Variants in FBXL7 observed in about 807,000 individuals in gnomAD.
The protein encoded by FBXL7 is F-box/LRR-repeat protein 7.
FBXL7 carries 12 observed loss-of-function variants against 38.3 expected under a neutral mutation model. That is an observed-to-expected ratio of 0.31 (90% confidence interval 0.20 to 0.51). The LOEUF is 0.51. Among genes scored for constraint, FBXL7 ranks in the 20% least tolerant of loss-of-function variants. The probability of loss-of-function intolerance (pLI) is 0.98; values close to 1 mark genes in which losing one functional copy is unlikely to be tolerated. For synonymous variants in FBXL7, 297 were observed against 300.9 expected (o/e 0.99, Z 0.13); for missense variants, 567 against 676.4 (o/e 0.84, Z 1.79).
chr5:15,512,544 C>T (rs1422530048), intron 1 of FBXL7, among the ~76,000 whole-genome samples: 1 of 152,194 alleles, frequency 6.6e-6, no homozygotes, highest in Non-Finnish European at 1.5e-5. Flanking sequence ...TAAACTTGGA[C>T]ATTTTACCCT....
rs79107813 is a variant in FBXL7, at chr5:15,542,170, G to A, written c.37+41457G>A. On this transcript the variant is annotated intron_variant, in intron 1 of 3. Transcript: ENST00000504595. ...TCGATGCATTATTACACTTTATACCGTGATGTGTCACTGAAAGTTTTTTTT... is the reference window on the plus strand; with the variant it reads ...TCGATGCATTATTACACTTTATACCATGATGTGTCACTGAAAGTTTTTTTT... Among the ~76,000 whole-genome samples, 1,250 of 152,096 alleles carry A rather than the reference G, an allele frequency of 8.2e-3. 13 individuals carry two copies. The highest frequency in any genetic ancestry group is 9.3e-3 in the Non-Finnish European group (632 of 67,984).
At chr5:15,579,624 A>C (rs1739073714) in intron 1 of FBXL7, among the ~76,000 whole-genome samples, 1 of 152,164 alleles carries the variant, frequency 6.6e-6, no homozygotes, top group Non-Finnish European at 1.5e-5. Flanking sequence ...AGACAACCTT[A>C]AAAGTTAGTG....
At chr5:15,737,180 A>G (rs1299609385) in intron 2 of FBXL7, among the ~76,000 whole-genome samples, 2 of 151,936 alleles carry the variant, frequency 1.3e-5, no homozygotes, top group Admixed American at 1.3e-4. Flanking sequence ...CCATTTTTCC[A>G]CTGGGCGTCC....
In FBXL7 at chr5:15,675,658, A is replaced by C. The variant is rs533642130; in HGVS notation, c.127+59586A>C. On this transcript the variant is annotated intron_variant, in intron 2 of 3. Coordinates refer to ENST00000504595, the MANE Select transcript of FBXL7 (RefSeq NM_012304.5). ...CCACTGATCACAGATTTGTTGGATT[A>C]AATACCTGCTAATATGCGGTTTATA... Among the ~76,000 whole-genome samples, 5 of 152,360 alleles carry C rather than the reference A, an allele frequency of 3.3e-5. No homozygotes were observed. The South Asian group carries it at 1.0e-3, about 32-fold the overall frequency.
chr5:15,526,292 G>A (rs780089622), intron 1 of FBXL7, among the ~76,000 whole-genome samples: 5 of 152,042 alleles, frequency 3.3e-5, no homozygotes, highest in Admixed American at 2.6e-4. Flanking sequence ...AGTGATCTTG[G>A]GCATGGAGGA....
intron 1 of FBXL7, among the ~76,000 whole-genome samples, chr5:15,509,002 T>C (rs1736723583): frequency 6.6e-6 from 1 of 152,236 alleles, no homozygotes; most frequent in South Asian, 2.1e-4. Flanking sequence ...CACGTAGATC[T>C]ACTAAACTTG....
chr5:15,500,587 C>T lies in FBXL7; in HGVS notation c.-90C>T. On this transcript the variant is annotated 5_prime_UTR_variant, in exon 1 of 4. Transcript: ENST00000504595. ...GGGGGGGATGTGCAGCTAACGGTCC[C>T]GTCGGGCGGGCTTTCCTCGGGCCGA... The T allele has an allele frequency of 1.9e-6, 3 of 1,571,648 alleles. No homozygotes were observed. Among genetic ancestry groups the T allele is most frequent in the Admixed American group, 1.7e-5 (1 of 59,942 alleles).
chr5:15,706,392 C>T (rs921137573), intron 2 of FBXL7, among the ~76,000 whole-genome samples: 4 of 152,192 alleles, frequency 2.6e-5, no homozygotes, highest in Non-Finnish European at 5.9e-5. Context: ...CCTGAGGCCT[C>T]CCCAGAAGCT....
At chr5:15,744,354 C>A (rs2126678172) in intron 2 of FBXL7, among the ~76,000 whole-genome samples, 1 of 152,282 alleles carries the variant, frequency 6.6e-6, no homozygotes, top group South Asian at 2.1e-4. Context: ...GGACAAAATG[C>A]CACCAGTCTC....
chr5:15,761,822 G>A (rs903528693), intron 2 of FBXL7, among the ~76,000 whole-genome samples: 1 of 152,170 alleles, frequency 6.6e-6, no homozygotes. Context: ...GCAGGTGTGA[G>A]CCACCATGTC....
chr5:15,754,995 C>A (rs1279911968), intron 2 of FBXL7, among the ~76,000 whole-genome samples: 1 of 152,090 alleles, frequency 6.6e-6, no homozygotes. Flanking sequence ...TGATGTTTTT[C>A]TTGAATGCTC....
At chr5:15,593,675 A>G (rs1561042750) in intron 1 of FBXL7, among the ~76,000 whole-genome samples, 1 of 152,162 alleles carries the variant, frequency 6.6e-6, no homozygotes, top group African/African-American at 2.4e-5. Context: ...ATAAAAATGT[A>G]CAGGTTTTTT....
In FBXL7 at chr5:15,753,620, A is replaced by G. The variant is rs146311800; in HGVS notation, c.127+137548A>G. The stretch of plus-strand genomic sequence containing the variant: ...CATTGTATTGTTTTTCTCCTTTCAG[A>G]ACTTTAGTATAAATTCATTACTTGT... On this transcript the variant is annotated intron_variant, in intron 2 of 3. Coordinates refer to ENST00000504595, the MANE Select transcript of FBXL7 (RefSeq NM_012304.5). Among the ~76,000 whole-genome samples, 133 of 152,294 alleles carry G rather than the reference A, an allele frequency of 8.7e-4. 1 individual carries two copies. The highest frequency in any genetic ancestry group is 2.8e-3 in the African/African-American group (117 of 41,564).
At chr5:15,609,498 G>A (rs1441215210) in intron 1 of FBXL7, among the ~76,000 whole-genome samples, 1 of 152,218 alleles carries the variant, frequency 6.6e-6, no homozygotes, top group African/African-American at 2.4e-5. Context: ...CTTTCATTCA[G>A]TTTATCACTG....
At chr5:15,935,885 G>C (rs1016372213) in intron 3 of FBXL7, among the ~76,000 whole-genome samples, 1 of 152,180 alleles carries the variant, frequency 6.6e-6, no homozygotes, top group African/African-American at 2.4e-5. Flanking sequence ...AAGCAGCAAC[G>C]TTAAGCCTCC....
intron 2 of FBXL7, among the ~76,000 whole-genome samples, chr5:15,762,370 GCAC>G (rs778778318): frequency 0.64 from 97,351 of 151,952 alleles, 32,093 homozygotes; most frequent in South Asian, 0.73. Flanking sequence ...TTGGTTAGAA[GCAC>G]CCTTGTAGGG....
chr5:15,862,976 C>T (rs772727040), intron 2 of FBXL7, among the ~76,000 whole-genome samples: 1 of 152,198 alleles, frequency 6.6e-6, no homozygotes, highest in Non-Finnish European at 1.5e-5. Flanking sequence ...AAACATTTTA[C>T]TACATGTGCA....
intron 1 of FBXL7, among the ~76,000 whole-genome samples, chr5:15,524,562 A>C (rs1041937369): frequency 1.3e-5 from 2 of 152,236 alleles, no homozygotes; most frequent in Admixed American, 1.3e-4. Flanking sequence ...CAAACTTAGT[A>C]GGATTGCAAA....
chr5:15,509,771 G>A (rs1441928399), intron 1 of FBXL7, among the ~76,000 whole-genome samples: 3 of 152,262 alleles, frequency 2.0e-5, no homozygotes, highest in East Asian at 3.9e-4. Context: ...TGTGGGTTCC[G>A]TGTAAGTGAG....
Sources: allele counts gnomAD v4.1 joint callset (sites outside exome capture counted in the v4.1 genomes callset), GRCh38; gene constraint gnomAD v4.1.1; transcripts MANE v1.5; gene names NCBI Gene and HGNC (gene_info 2026-07-23, HGNC 2026-07-21).